The following MTUS1 variants were observed in gnomAD, a reference collection of about 807,000 sequenced individuals.
The protein encoded by MTUS1 is microtubule-associated tumor suppressor 1.
MTUS1 carries 109 observed loss-of-function variants against 120.8 expected under a neutral mutation model. That is an observed-to-expected ratio of 0.90 (90% confidence interval 0.77 to 1.06). The LOEUF (loss-of-function observed/expected upper bound fraction) is 1.06, where lower values mean the gene tolerates loss of function less well. Ranked by LOEUF, MTUS1 falls within the 50% of genes least tolerant of loss-of-function variation. The pLI is 0.00. For missense variants in MTUS1, 2,210 were observed against 1,486.3 expected (o/e 1.49, Z -8.01); for synonymous variants, 737 against 550.5 (o/e 1.34, Z -4.74).
chr8:17,675,948 A>G (rs1408320113), intron 7 of MTUS1: 1 of 234,920 alleles, frequency 4.3e-6, no homozygotes, highest in African/African-American at 2.2e-5. Flanking sequence ...TGTTCAAGTT[A>G]CCAGCAACTC....
chr8:17,787,935 C>T (rs1289849717), intron 1 of MTUS1, among the ~76,000 whole-genome samples: 2 of 152,186 alleles, frequency 1.3e-5, no homozygotes, highest in East Asian at 3.9e-4. Context: ...GCCTGGCCAA[C>T]ATGGTGAAAC....
chr8:17,680,105 C>T (rs978429553), intron 7 of MTUS1, among the ~76,000 whole-genome samples: 8 of 151,990 alleles, frequency 5.3e-5, no homozygotes, highest in Non-Finnish European at 8.8e-5. Context: ...GAAAGAGAAG[C>T]ATATATGCTC....
intron 4 of MTUS1, among the ~76,000 whole-genome samples, chr8:17,719,164 T>C (rs1411494990): frequency 6.6e-6 from 1 of 151,688 alleles, no homozygotes; most frequent in African/African-American, 2.4e-5. Context: ...AGTGAGACTC[T>C]GTCTCAAAAA....
intron 1 of MTUS1, among the ~76,000 whole-genome samples, chr8:17,762,411 T>C (rs571161666): frequency 3.1e-4 from 47 of 152,356 alleles, no homozygotes; most frequent in African/African-American, 1.1e-3. Flanking sequence ...AGTTCTACTC[T>C]AAGCCTCAAC....
chr8:17,732,477 G>A (rs1466032123), intron 3 of MTUS1, among the ~76,000 whole-genome samples: 1 of 152,170 alleles, frequency 6.6e-6, no homozygotes. Flanking sequence ...GCACCCCAGA[G>A]CTATCCTTGA....
At chr8:17,783,197 C>G (rs7460727) in intron 1 of MTUS1, among the ~76,000 whole-genome samples, 40,953 of 152,150 alleles carry the variant, frequency 0.27, 7,089 homozygotes, top group African/African-American at 0.47. Flanking sequence ...GAAATAAAGA[C>G]GATTTGCTCA....
chr8:17,777,492 G>A (rs1258352802), intron 1 of MTUS1, among the ~76,000 whole-genome samples: 3 of 151,374 alleles, frequency 2.0e-5, no homozygotes, highest in Middle Eastern at 3.2e-3. Flanking sequence ...TGTGTCCCTG[G>A]AACTAAATAA....
intron 2 of MTUS1, among the ~76,000 whole-genome samples, chr8:17,751,359 G>A (rs2131319134): frequency 6.6e-6 from 1 of 152,276 alleles, no homozygotes; most frequent in East Asian, 1.9e-4. Flanking sequence ...GGCAGTAAGA[G>A]CCTTTGAGTG....
intron 2 of MTUS1, among the ~76,000 whole-genome samples, chr8:17,747,870 G>A (rs182035664): frequency 1.8e-4 from 28 of 152,260 alleles, no homozygotes; most frequent in Admixed American, 5.2e-4. Context: ...GGGCAAGGAG[G>A]AGCAAGACAT....
intron 1 of MTUS1, among the ~76,000 whole-genome samples, chr8:17,798,338 A>C (rs973045673): frequency 6.8e-6 from 1 of 147,818 alleles, no homozygotes; most frequent in Admixed American, 6.8e-5. Flanking sequence ...AATTTGGGGA[A>C]TTTTTTTTTT....
At position 17,684,110 on chromosome 8, in the gene MTUS1, C is replaced by G. The variant is rs151019836; in HGVS notation, c.2838+218G>C. 5.1e-3 allele frequency among the ~76,000 whole-genome samples: 783 copies of G among 152,184 alleles called. 11 individuals carry two copies. The highest frequency in any genetic ancestry group is 0.017 in the African/African-American group (721 of 41,514). On this transcript the variant is annotated intron_variant, in intron 7 of 14. Transcript: ENST00000693296. ...TGCTGTTGCCATTCTAACCAACAGA[C>G]TCTAGGGGAAAAAAAGGAAGTGAGA...
In MTUS1 at chr8:17,799,856, G is replaced by A. The variant is rs146178317; in HGVS notation, c.-155+1205C>T. Among the ~76,000 whole-genome samples, 657 of 151,652 alleles carry A rather than the reference G, an allele frequency of 4.3e-3. 6 individuals carry two copies. Among genetic ancestry groups the A allele is most frequent in the African/African-American group, 0.015 (625 of 41,312 alleles). Reference sequence around the variant, plus strand: ...TTTTAAACTAAATTCCACTTCTAAGGTTTTTTAGCTTTGGTTTTAAGGATA... The same window carrying A: ...TTTTAAACTAAATTCCACTTCTAAGATTTTTTAGCTTTGGTTTTAAGGATA... On this transcript the variant is annotated intron_variant, in intron 1 of 14. Transcript: ENST00000693296.
chr8:17,720,916 A>G (rs2045789186), intron 4 of MTUS1, among the ~76,000 whole-genome samples: 1 of 152,192 alleles, frequency 6.6e-6, no homozygotes. Context: ...AAAAGAACAC[A>G]CACAAAGAAC....
chr8:17,754,542 T>C lies in MTUS1; in HGVS notation c.1266A>G (p.Thr422=), dbSNP rs773023872. The change falls in exon 2 of 15, where the codon ACA becomes ACG. Residue 422 remains threonine, a synonymous_variant. Coordinates refer to ENST00000693296, the MANE Select transcript of MTUS1 (RefSeq NM_001363059.2). ...GTGTTGACATGCACATCGTTTTGTC[T>C]GTGCTAATGACCATATCATTTGCAT... ...TWDANDMVIS[T]DKTMCMSTPV... is the part of the protein sequence containing the mutation. 2 of 1,614,236 alleles carry C rather than the reference T, an allele frequency of 1.2e-6. No individual in the cohort carries two copies. The highest frequency in any genetic ancestry group is 2.2e-5 in the East Asian group (1 of 44,882).
At chr8:17,719,731 C>A (rs1451979182) in intron 4 of MTUS1, among the ~76,000 whole-genome samples, 1 of 152,088 alleles carries the variant, frequency 6.6e-6, no homozygotes, top group Non-Finnish European at 1.5e-5. Context: ...CCAGTGTTGG[C>A]CACTAACCAG....
chr8:17,668,393 G>T (rs565143601), intron 8 of MTUS1, among the ~76,000 whole-genome samples: 6 of 152,124 alleles, frequency 3.9e-5, no homozygotes, highest in Non-Finnish European at 7.4e-5. Context: ...GAACTCTAAA[G>T]ATCATAATCA....
intron 1 of MTUS1, among the ~76,000 whole-genome samples, chr8:17,777,988 GA>G (rs2050587725): frequency 6.6e-6 from 1 of 152,128 alleles, no homozygotes; most frequent in African/African-American, 2.4e-5. Flanking sequence ...AAAATATGTA[GA>G]AAAAGCAACA....
intron 1 of MTUS1, among the ~76,000 whole-genome samples, chr8:17,776,800 G>A (rs1301250882): frequency 6.6e-6 from 1 of 151,240 alleles, no homozygotes; most frequent in African/African-American, 2.4e-5. Flanking sequence ...CATAGGTGAC[G>A]ATGAGTGATA....
chr8:17,737,808 C>G (rs1302133074), intron 3 of MTUS1, among the ~76,000 whole-genome samples: 1 of 152,166 alleles, frequency 6.6e-6, no homozygotes, highest in African/African-American at 2.4e-5. Context: ...TTTAGAATAA[C>G]TTATTGGGTA....
Sources: allele counts gnomAD v4.1 joint callset (sites outside exome capture counted in the v4.1 genomes callset), GRCh38; gene constraint gnomAD v4.1.1; transcripts MANE v1.5; gene names NCBI Gene and HGNC (gene_info 2026-07-23, HGNC 2026-07-21).